Variants in DIS3L2 observed in about 807,000 individuals in gnomAD.
DIS3L2 encodes the protein DIS3 like 3'-5' exoribonuclease 2.
Under a neutral mutation model 97.5 loss-of-function variants are expected in DIS3L2, and 34 were observed. The ratio of observed to expected loss-of-function variants is 0.35; its 90% CI spans 0.27 to 0.46. The LOEUF is 0.46. Among genes scored for constraint, DIS3L2 ranks in the 20% least tolerant of loss-of-function variants. DIS3L2 has a pLI of 1.00. For synonymous variants in DIS3L2, 435 were observed against 445.2 expected (o/e 0.98, Z 0.29); for missense variants, 1,038 against 1,146.0 (o/e 0.91, Z 1.36).
intron 9 of DIS3L2, among the ~76,000 whole-genome samples, chr2:232,181,620 G>A (rs953941890): frequency 2.6e-5 from 4 of 151,592 alleles, no homozygotes; most frequent in Admixed American, 2.0e-4. Flanking sequence ...CACCATGCCC[G>A]GCTATTTTTT....
chr2:232,208,450 AC>A (rs1268122883), intron 9 of DIS3L2, among the ~76,000 whole-genome samples: 1 of 152,196 alleles, frequency 6.6e-6, no homozygotes, highest in Non-Finnish European at 1.5e-5. Flanking sequence ...AGCTGGGACT[AC>A]AGGCGTGTGC....
intron 6 of DIS3L2, among the ~76,000 whole-genome samples, chr2:232,120,209 C>G (rs75536599): frequency 1.3e-5 from 2 of 152,290 alleles, no homozygotes; most frequent in Non-Finnish European, 2.9e-5. Context: ...ATCTGTCACT[C>G]AGGCATAACT....
intron 10 of DIS3L2, among the ~76,000 whole-genome samples, chr2:232,231,352 A>C (rs993838761): frequency 2.6e-5 from 4 of 152,178 alleles, no homozygotes; most frequent in Non-Finnish European, 4.4e-5. Context: ...GAAAAGTCCC[A>C]GGGGCCATAT....
intron 6 of DIS3L2, among the ~76,000 whole-genome samples, chr2:232,095,451 G>A (rs1393737847): frequency 1.3e-5 from 2 of 152,132 alleles, no homozygotes; most frequent in Non-Finnish European, 2.9e-5. Flanking sequence ...ACTCTACACT[G>A]TAACTTCATC....
chr2:232,314,735 G>GTTT (rs1276744211), intron 14 of DIS3L2, among the ~76,000 whole-genome samples: 1 of 152,194 alleles, frequency 6.6e-6, no homozygotes, highest in Non-Finnish European at 1.5e-5. Context: ...CTTTCTTCAT[G>GTTT]TTTTTGCGAT....
At chr2:232,005,328 G>A (rs540335980) in intron 1 of DIS3L2, among the ~76,000 whole-genome samples, 50 of 152,180 alleles carry the variant, frequency 3.3e-4, no homozygotes, top group Admixed American at 1.6e-3. Flanking sequence ...GTTGCGTTGA[G>A]TCTGTCCTAC....
At chr2:232,191,739 C>T (rs1453436034) in intron 9 of DIS3L2, among the ~76,000 whole-genome samples, 7 of 152,178 alleles carry the variant, frequency 4.6e-5, no homozygotes, top group Non-Finnish European at 1.5e-5. Flanking sequence ...TCAAGAGTTT[C>T]AAATTGTGAT....
chr2:232,086,302 T>TACAC (rs1418243378), intron 5 of DIS3L2, among the ~76,000 whole-genome samples: 4 of 149,490 alleles, frequency 2.7e-5, no homozygotes, highest in Non-Finnish European at 4.4e-5. Context: ...TATACATATA[T>TACAC]ACATATGTAT....
chr2:232,077,802 T>G (rs1034883846), intron 5 of DIS3L2, among the ~76,000 whole-genome samples: 1 of 152,186 alleles, frequency 6.6e-6, no homozygotes, highest in African/African-American at 2.4e-5. Flanking sequence ...ACCATGTCAG[T>G]AATATATCTG....
At chr2:232,042,028 C>T (rs559693707) in intron 5 of DIS3L2, among the ~76,000 whole-genome samples, 11 of 152,154 alleles carry the variant, frequency 7.2e-5, no homozygotes, top group Admixed American at 3.9e-4. Context: ...AAGGAAGTAG[C>T]GTTCAGCAAG....
At chr2:232,288,476 C>T (rs1448899459) in intron 13 of DIS3L2, among the ~76,000 whole-genome samples, 2 of 152,366 alleles carry the variant, frequency 1.3e-5, no homozygotes, top group African/African-American at 4.8e-5. Flanking sequence ...AGGAACTCAG[C>T]TCTGTTTAAC....
chr2:232,087,462 A>C, intron 5 of DIS3L2, 25 bp from the exon 6 acceptor site: 1 of 1,543,066 alleles, frequency 6.5e-7, no homozygotes, highest in African/African-American at 1.4e-5. Flanking sequence ...TCAGTGATTT[A>C]GCAGAATTTT....
At chr2:232,271,552 G>A (rs72998130) in intron 13 of DIS3L2, among the ~76,000 whole-genome samples, 2,251 of 152,326 alleles carry the variant, frequency 0.015, 21 homozygotes, top group Non-Finnish European at 0.022. Flanking sequence ...TAGTTCTAGA[G>A]TCAGCGAGGC....
At chr2:232,315,537 ACT>A (rs879768020) in intron 14 of DIS3L2, among the ~76,000 whole-genome samples, 4 of 145,372 alleles carry the variant, frequency 2.8e-5, no homozygotes, top group Admixed American at 1.4e-4. Flanking sequence ...CTTCACTGCC[ACT>A]CCCAGCTCTC....
At chr2:232,025,904 A>G (rs1694643643) in intron 4 of DIS3L2, among the ~76,000 whole-genome samples, 1 of 152,204 alleles carries the variant, frequency 6.6e-6, no homozygotes, top group African/African-American at 2.4e-5. Flanking sequence ...AGGAGCCCTC[A>G]TGTATGAAAG....
chr2:232,114,876 T>C (rs1395818851), intron 6 of DIS3L2, among the ~76,000 whole-genome samples: 2 of 152,172 alleles, frequency 1.3e-5, no homozygotes, highest in African/African-American at 4.8e-5. Flanking sequence ...GGAATTTATT[T>C]CTTACAGTTA....
rs931863297 is a variant in DIS3L2 at position 231,969,371 on chromosome 2, C to T, written c.-94+7606C>T. Among the ~76,000 whole-genome samples the T allele has an allele frequency of 7.9e-5, 11 of 139,440 alleles. No individual in the cohort carries two copies. The East Asian group carries it at 8.4e-4, about 11-fold the overall frequency. 91.5% of individuals were successfully genotyped at this position (139,440 alleles called of 152,430 possible). A position where few individuals can be genotyped will look rare whatever the true frequency, so the allele number is the denominator to read the frequency against. On this transcript the variant is annotated intron_variant, in intron 1 of 20. Transcript: ENST00000325385. ...TATTGCCCAGGTAGGAGTGCAGTGGCGCAATCTTGGCTCACTGCAACCTCT... is the reference window on the plus strand; with the variant it reads ...TATTGCCCAGGTAGGAGTGCAGTGGTGCAATCTTGGCTCACTGCAACCTCT...
intron 1 of DIS3L2, among the ~76,000 whole-genome samples, chr2:232,013,788 G>T (rs1694277720): frequency 6.6e-6 from 1 of 152,094 alleles, no homozygotes; most frequent in Non-Finnish European, 1.5e-5. Flanking sequence ...TTTATATAAG[G>T]CCATCTCTTT....
intron 13 of DIS3L2, among the ~76,000 whole-genome samples, chr2:232,286,410 A>G (rs1293549049): frequency 1.3e-5 from 2 of 152,222 alleles, no homozygotes; most frequent in Admixed American, 1.3e-4. Flanking sequence ...GTCCTACAGA[A>G]AGCAAGCCAC....
Sources: gnomAD v4.1 joint callset for allele counts (sites outside exome capture counted in the v4.1 genomes callset) on GRCh38, gnomAD v4.1.1 for gene constraint, MANE v1.5 for transcripts, NCBI Gene and HGNC (gene_info 2026-07-23, HGNC 2026-07-21) for gene names.